WNT3: variants seen among roughly 807,000 people sequenced by gnomAD.
WNT3 encodes Wnt family member 3.
In WNT3, 7 loss-of-function variants were observed where a neutral mutation model predicts 34.2. That is an observed-to-expected ratio of 0.20 (90% CI 0.12 to 0.38). The LOEUF (loss-of-function observed/expected upper bound fraction) is 0.38, where lower values mean the gene tolerates loss of function less well. WNT3 is among the 10% of genes least tolerant of loss of function. WNT3 has a pLI of 1.00. For synonymous variants in WNT3, 212 were observed against 211.5 expected, an observed-to-expected ratio of 1.00 and a Z score of -0.02; for missense variants, 267 against 499.8, an observed-to-expected ratio of 0.53 and a Z score of 4.44.
rs112540677 is a variant in WNT3 at position 46,810,672 on chromosome 17, G to A, written c.80+7846C>T. 3.2e-3 allele frequency among the ~76,000 whole-genome samples: 487 copies of A among 151,910 alleles called. 2 individuals are homozygous for A. The highest frequency in any genetic ancestry group is 5.2e-3 in the Non-Finnish European group (350 of 67,950). ...AGCTCTGCACCCCCCACCCTTCCCT[G>A]AGACCAGCTTTCAGTGACCACCCCC... On this transcript the variant is annotated intron_variant, in intron 1 of 4. Transcript: ENST00000225512.
chr17:46,774,040 G>A, intron 1 of WNT3, 131 bp from the exon 2 acceptor site: 1 of 1,351,738 alleles, frequency 7.4e-7, no homozygotes, highest in South Asian at 1.3e-5. Flanking sequence ...ACCTGAATGT[G>A]CTACCTTTGA....
intron 1 of WNT3, among the ~76,000 whole-genome samples, chr17:46,806,445 G>A (rs1194335410): frequency 6.6e-6 from 1 of 152,082 alleles, no homozygotes; most frequent in Non-Finnish European, 1.5e-5. Context: ...CCAACCTCAG[G>A]TGATCTGCCT....
At chr17:46,816,471 A>ACACG (rs1555689343) in intron 1 of WNT3, among the ~76,000 whole-genome samples, 93 of 78,972 alleles carry the variant, frequency 1.2e-3, no homozygotes, top group African/African-American at 5.6e-3. Context: ...GACCCAGAAC[A>ACACG]CACGCACACA....
intron 2 of WNT3, 89 bp from the exon 3 acceptor site, chr17:46,770,137 AACGAGGCC>A: frequency 8.3e-6 from 12 of 1,446,934 alleles, no homozygotes; most frequent in Non-Finnish European, 1.1e-5. Flanking sequence ...ACGTGAGGGG[AACGAGGCC>A]AGGAAGAGTT....
chr17:46,776,471 C>T (rs2146391075), intron 1 of WNT3, among the ~76,000 whole-genome samples: 1 of 152,324 alleles, frequency 6.6e-6, no homozygotes, highest in East Asian at 1.9e-4. Context: ...GTAATAAAAA[C>T]TTCATTATCA....
At chr17:46,781,437 C>G (rs2059460378) in intron 1 of WNT3, among the ~76,000 whole-genome samples, 1 of 151,292 alleles carries the variant, frequency 6.6e-6, no homozygotes, top group South Asian at 2.1e-4. Context: ...GAATGAAATT[C>G]TGATGCAAGC....
intron 1 of WNT3, among the ~76,000 whole-genome samples, chr17:46,812,227 G>A (rs2146465922): frequency 6.6e-6 from 1 of 152,298 alleles, no homozygotes; most frequent in South Asian, 2.1e-4. Flanking sequence ...GCGGGATAAA[G>A]AAGGACCCTG....
At position 46,773,779 on chromosome 17, in the gene WNT3, C is replaced by T. The variant is rs765281954; in HGVS notation, c.211G>A (p.Glu71Lys). ...NYIEIMPSVA[E>K]GVKLGIQECQ... ...TCCTGGATGCCCAGCTTCACGCCCTCGGCCACGCTGGGCATGATCTCGATG... is the reference window on the plus strand; with the variant it reads ...TCCTGGATGCCCAGCTTCACGCCCTTGGCCACGCTGGGCATGATCTCGATG... Residue 71 changes from glutamate to lysine, a missense_variant, in exon 2 of 5, where the codon GAG becomes AAG. Glu to Lys is a moderately conservative substitution (Grantham distance 56). Transcript: ENST00000225512. The T allele has an allele frequency of 2.8e-5, 45 of 1,613,342 alleles. No homozygotes were observed. Among genetic ancestry groups the T allele is most frequent in the Non-Finnish European group, 3.7e-5 (44 of 1,180,010 alleles).
At chr17:46,791,884 A>G (rs1422037114) in intron 1 of WNT3, among the ~76,000 whole-genome samples, 3 of 152,188 alleles carry the variant, frequency 2.0e-5, no homozygotes, top group Non-Finnish European at 2.9e-5. Flanking sequence ...TACAAAACAC[A>G]GAAAAATTAG....
At chr17:46,805,517 G>A (rs924831110) in intron 1 of WNT3, among the ~76,000 whole-genome samples, 6 of 152,320 alleles carry the variant, frequency 3.9e-5, no homozygotes, top group African/African-American at 1.4e-4. Flanking sequence ...AGGTTGCAGT[G>A]AGCCAAGATC....
At chr17:46,779,360 G>C (rs567908850) in intron 1 of WNT3, among the ~76,000 whole-genome samples, 3 of 152,172 alleles carry the variant, frequency 2.0e-5, no homozygotes, top group African/African-American at 7.2e-5. Context: ...AGCTGGTGAG[G>C]GGGAGGGCGG....
chr17:46,813,877 G>A (rs1401222415), intron 1 of WNT3, among the ~76,000 whole-genome samples: 1 of 152,218 alleles, frequency 6.6e-6, no homozygotes, highest in Non-Finnish European at 1.5e-5. Flanking sequence ...TGCATTCTTT[G>A]GAGATTTCCA....
At chr17:46,773,972 A>G (rs1318020003) in intron 1 of WNT3, 63 bp from the exon 2 acceptor site, 12 of 1,574,884 alleles carry the variant, frequency 7.6e-6, no homozygotes, top group Non-Finnish European at 1.0e-5. Context: ...CCTGGGCACC[A>G]TGGCCGCTTT....
At chr17:46,776,077 G>A (rs888812918) in intron 1 of WNT3, among the ~76,000 whole-genome samples, 3 of 152,226 alleles carry the variant, frequency 2.0e-5, no homozygotes, top group Non-Finnish European at 2.9e-5. Context: ...TAGCCTTGCA[G>A]GTTGATGAAG....
intron 1 of WNT3, among the ~76,000 whole-genome samples, chr17:46,776,680 T>G (rs989574099): frequency 6.6e-6 from 1 of 151,940 alleles, no homozygotes; most frequent in Non-Finnish European, 1.5e-5. Flanking sequence ...GAGGGGAAAC[T>G]GAGGGAGAGT....
chr17:46,770,812 GTCA>G (rs1177805877), intron 2 of WNT3, among the ~76,000 whole-genome samples: 2 of 152,182 alleles, frequency 1.3e-5, no homozygotes, highest in Non-Finnish European at 2.9e-5. Context: ...CCTCACAACG[GTCA>G]TCGTCTCTGC....
intron 1 of WNT3, among the ~76,000 whole-genome samples, chr17:46,790,366 T>G (rs1380852457): frequency 1.3e-5 from 2 of 152,136 alleles, no homozygotes; most frequent in African/African-American, 4.8e-5. Context: ...GTGGCCCTGC[T>G]GAGCTTAGAA....
At chr17:46,766,910 A>G (rs773275337) in intron 4 of WNT3, among the ~76,000 whole-genome samples, 8 of 152,098 alleles carry the variant, frequency 5.3e-5, no homozygotes, top group Non-Finnish European at 1.2e-4. Flanking sequence ...GTGTCCTTTC[A>G]TTTGTCCCTC....
intron 4 of WNT3, among the ~76,000 whole-genome samples, chr17:46,766,564 G>A (rs990326972): frequency 3.9e-5 from 6 of 152,110 alleles, no homozygotes; most frequent in African/African-American, 2.4e-5. Flanking sequence ...TTCAGATACC[G>A]ACAAAGGTAG....
Sources: allele counts gnomAD v4.1 joint callset (sites outside exome capture counted in the v4.1 genomes callset), GRCh38; gene constraint gnomAD v4.1.1; transcripts MANE v1.5; gene names NCBI Gene and HGNC (gene_info 2026-07-23, HGNC 2026-07-21).